The following NOL4 variants were observed in gnomAD, a reference collection of about 807,000 sequenced individuals.
The protein encoded by NOL4 is cancer/testis antigen 125.
NOL4 carries 17 observed loss-of-function variants against 75.9 expected under a neutral mutation model. That is an observed-to-expected ratio of 0.22 (90% confidence interval 0.15 to 0.34). NOL4 has a LOEUF of 0.34. Ranked by LOEUF, NOL4 falls within the 10% of genes least tolerant of loss-of-function variation. The pLI, the probability that NOL4 is intolerant of heterozygous loss-of-function variation, is 1.00. For missense variants in NOL4, 614 were observed against 793.5 expected (o/e 0.77, Z 2.72); for synonymous variants, 292 against 289.9 (o/e 1.01, Z -0.07).
chr18:33,940,578 C>T (rs1346640355), intron 9 of NOL4, among the ~76,000 whole-genome samples: 4 of 151,906 alleles, frequency 2.6e-5, no homozygotes, highest in African/African-American at 7.2e-5. Context: ...GGGATAGCAT[C>T]AGGAGAAATA....
In NOL4 at chr18:34,193,865, T is replaced by C. The variant is rs1370576377; in HGVS notation, c.264+29125A>G. On this transcript the variant is annotated intron_variant, in intron 1 of 10. Transcript: ENST00000261592. Reference sequence around the variant, plus strand: ...TCAACAGATGAATGGATAAAGAAAATGTGGTATGCATACACAAGCAAATAC... The same window carrying C: ...TCAACAGATGAATGGATAAAGAAAACGTGGTATGCATACACAAGCAAATAC... Among the ~76,000 whole-genome samples, 3 of 152,070 alleles carry C rather than the reference T, an allele frequency of 2.0e-5. No homozygotes were observed. In the South Asian group the frequency reaches 6.2e-4, roughly 31 times the overall value.
intron 1 of NOL4, among the ~76,000 whole-genome samples, chr18:34,163,518 G>A (rs1319188710): frequency 6.6e-6 from 1 of 151,996 alleles, no homozygotes; most frequent in Non-Finnish European, 1.5e-5. Context: ...AAAATACCTA[G>A]GAATCCAACT....
intron 8 of NOL4, 34 bp from the exon 9 acceptor site, chr18:33,943,212 T>C: frequency 6.9e-7 from 1 of 1,448,400 alleles, no homozygotes; most frequent in Non-Finnish European, 9.6e-7. Context: ...TGAAAAAAAT[T>C]ATTAACAGTA....
intron 9 of NOL4, among the ~76,000 whole-genome samples, chr18:33,920,837 T>A (rs530958776): frequency 6.6e-6 from 1 of 152,258 alleles, no homozygotes; most frequent in South Asian, 2.1e-4. Flanking sequence ...TGGGATTGAA[T>A]GAAACAAGAA....
intron 2 of NOL4, among the ~76,000 whole-genome samples, chr18:34,120,818 G>A (rs2080106018): frequency 6.6e-6 from 1 of 152,168 alleles, no homozygotes; most frequent in Non-Finnish European, 1.5e-5. Flanking sequence ...GAAACTAGAG[G>A]AGGAAAACAT....
intron 1 of NOL4, among the ~76,000 whole-genome samples, chr18:34,130,852 A>T (rs764458185): frequency 6.6e-6 from 1 of 152,172 alleles, no homozygotes; most frequent in Non-Finnish European, 1.5e-5. Flanking sequence ...GTTGAAGTAG[A>T]TTCCAGGAAG....
In NOL4 at chr18:34,002,431, A is replaced by T. The variant is rs151298476; in HGVS notation, c.1056+16887T>A. The stretch of plus-strand genomic sequence containing the variant: ...CTCCTACGCATTCTTTAGTTTCCTA[A>T]TGAGATATTATACCTTCTGGAGAAG... On this transcript the variant is annotated intron_variant, in intron 6 of 10. Transcript: ENST00000261592. Among the ~76,000 whole-genome samples the T allele has an allele frequency of 4.9e-3, 746 of 152,148 alleles. 7 individuals carry two copies. The highest frequency in any genetic ancestry group is 8.8e-3 in the Non-Finnish European group (598 of 67,992).
At chr18:34,170,469 G>A (rs9944729) in intron 1 of NOL4, among the ~76,000 whole-genome samples, 70,490 of 151,878 alleles carry the variant, frequency 0.46, 16,474 homozygotes, top group Admixed American at 0.54. Flanking sequence ...TGGGATTGCA[G>A]GTGTGAGCCA....
intron 5 of NOL4, chr18:34,023,665 A>G (rs903730898): frequency 3.4e-6 from 1 of 292,472 alleles, no homozygotes; most frequent in Non-Finnish European, 7.2e-6. Context: ...GCAACAGAGG[A>G]GAATGTGGAA....
intron 5 of NOL4, among the ~76,000 whole-genome samples, chr18:34,079,252 T>C (rs1263867454): frequency 6.6e-6 from 1 of 152,080 alleles, no homozygotes; most frequent in East Asian, 1.9e-4. Flanking sequence ...GAAGAGTAAC[T>C]TTCGCATCAT....
chr18:33,910,173 C>A (rs1409049364), intron 9 of NOL4, among the ~76,000 whole-genome samples: 1 of 152,164 alleles, frequency 6.6e-6, no homozygotes, highest in Non-Finnish European at 1.5e-5. Context: ...CTTCTTTTAA[C>A]AACATGAAAT....
chr18:34,048,585 G>A (rs895791311), intron 5 of NOL4: 20 of 985,224 alleles, frequency 2.0e-5, no homozygotes, highest in Non-Finnish European at 2.2e-5. Flanking sequence ...TCTCTCCTCT[G>A]CACAGTAAGA....
At chr18:33,914,043 C>T (rs79839844) in intron 9 of NOL4, among the ~76,000 whole-genome samples, 2,168 of 151,986 alleles carry the variant, frequency 0.014, 52 homozygotes, top group African/African-American at 0.049. Flanking sequence ...CAGAAATGAA[C>T]AAACATTTAT....
intron 1 of NOL4, among the ~76,000 whole-genome samples, chr18:34,194,426 G>GGAAGGAAGGAA (rs2035158342): frequency 2.3e-5 from 3 of 127,996 alleles, no homozygotes; most frequent in African/African-American, 8.9e-5. Flanking sequence ...GAGGGAGGGA[G>GGAAGGAAGGAA]GGAAGGAAGG....
At chr18:34,008,585 G>A (rs866629437) in intron 6 of NOL4, among the ~76,000 whole-genome samples, 3 of 151,850 alleles carry the variant, frequency 2.0e-5, no homozygotes, top group Admixed American at 1.3e-4. Context: ...ATTATTTTAC[G>A]TGAAGTTTGC....
At chr18:34,080,216 G>A (rs962458864) in intron 5 of NOL4, among the ~76,000 whole-genome samples, 3 of 152,072 alleles carry the variant, frequency 2.0e-5, no homozygotes, top group South Asian at 4.1e-4. Context: ...CCATCCTCAG[G>A]TCAAACTGTA....
intron 1 of NOL4, among the ~76,000 whole-genome samples, chr18:34,147,658 G>A: frequency 6.6e-6 from 1 of 152,064 alleles, no homozygotes; most frequent in East Asian, 1.9e-4. Context: ...GTTTATAATG[G>A]ATATTGGCCT....
intron 1 of NOL4, among the ~76,000 whole-genome samples, chr18:34,170,178 ATTT>A (rs201918434): frequency 2.8e-5 from 4 of 141,214 alleles, no homozygotes; most frequent in African/African-American, 7.8e-5. Flanking sequence ...TTTAAGAACT[ATTT>A]TTTTTTTTTT....
At chr18:34,162,729 TA>T (rs1171270742) in intron 1 of NOL4, among the ~76,000 whole-genome samples, 1 of 152,162 alleles carries the variant, frequency 6.6e-6, no homozygotes, top group African/African-American at 2.4e-5. Flanking sequence ...GACTCCTCCC[TA>T]ACTCATTTTA....
Sources: gnomAD v4.1 joint callset for allele counts (sites outside exome capture counted in the v4.1 genomes callset) on GRCh38, gnomAD v4.1.1 for gene constraint, MANE v1.5 for transcripts, NCBI Gene and HGNC (gene_info 2026-07-23, HGNC 2026-07-21) for gene names.